Variants in C1QTNF3 observed in about 807,000 individuals in gnomAD.
C1QTNF3 encodes the protein complement C1q tumor necrosis factor-related protein 3.
Under a neutral mutation model 32.6 loss-of-function variants are expected in C1QTNF3, and 26 were observed. The ratio of observed to expected loss-of-function variants is 0.80; its 90% CI spans 0.58 to 1.11. The LOEUF is 1.11. Among genes scored for constraint, C1QTNF3 ranks in the 50% least tolerant of loss-of-function variants. C1QTNF3 has a pLI of 0.00. For synonymous variants in C1QTNF3, 155 were observed against 146.0 expected, an observed-to-expected ratio of 1.06 and a Z score of -0.44; for missense variants, 362 against 398.2, an observed-to-expected ratio of 0.91 and a Z score of 0.77.
chr5:34,156,782 T>C, the C1QTNF3 span, among the ~76,000 whole-genome samples: 7 of 152,198 alleles, frequency 4.6e-5, no homozygotes, highest in Non-Finnish European at 8.8e-5. Flanking sequence ...AAATTGAAGA[T>C]GAGAAAAAAT....
intron 1 of C1QTNF3, among the ~76,000 whole-genome samples, chr5:34,041,785 C>T (rs1420815176): frequency 1.3e-5 from 2 of 151,990 alleles, no homozygotes; most frequent in Non-Finnish European, 2.9e-5. Context: ...AGTTTCAAAT[C>T]TGCAATTGAT....
At chr5:34,020,911 G>C (rs969086105) in intron 5 of C1QTNF3, among the ~76,000 whole-genome samples, 169 bp from the exon 6 acceptor site, 4 of 152,176 alleles carry the variant, frequency 2.6e-5, no homozygotes, top group African/African-American at 9.7e-5. Context: ...AAGCTGGCTA[G>C]TAACACTCTC....
At chr5:34,170,893 T>G in the C1QTNF3 span, among the ~76,000 whole-genome samples, 2 of 152,168 alleles carry the variant, frequency 1.3e-5, no homozygotes, top group Non-Finnish European at 2.9e-5. Context: ...AATTACAGAT[T>G]CAATTTTTCT....
chr5:34,231,437 A>G, the C1QTNF3 span, among the ~76,000 whole-genome samples: 2 of 152,236 alleles, frequency 1.3e-5, no homozygotes, highest in Admixed American at 6.5e-5. Context: ...TACTTCATAC[A>G]CAGCTGTGTT....
the C1QTNF3 span, among the ~76,000 whole-genome samples, chr5:34,127,215 G>A: frequency 2.6e-5 from 4 of 152,020 alleles, no homozygotes; most frequent in African/African-American, 9.7e-5. Flanking sequence ...ACCTGAAAAT[G>A]TGGAAGTGAC....
chr5:34,122,999 A>G, the C1QTNF3 span, among the ~76,000 whole-genome samples: 1 of 150,552 alleles, frequency 6.6e-6, no homozygotes. Flanking sequence ...CGCACTCTGC[A>G]GTTCTCCTCC....
chr5:34,162,750 T>C, the C1QTNF3 span, among the ~76,000 whole-genome samples: 3 of 152,176 alleles, frequency 2.0e-5, no homozygotes, highest in Non-Finnish European at 4.4e-5. Context: ...CTACCTCTTA[T>C]TAAATAATGT....
chr5:34,100,822 A>G, the C1QTNF3 span, among the ~76,000 whole-genome samples: 14 of 151,074 alleles, frequency 9.3e-5, no homozygotes, highest in South Asian at 2.1e-4. Flanking sequence ...AAAAAATTTT[A>G]AAGTATTGCA....
chr5:34,221,391 A>G, the C1QTNF3 span, among the ~76,000 whole-genome samples: 1 of 152,058 alleles, frequency 6.6e-6, no homozygotes, highest in South Asian at 2.1e-4. Context: ...GTATCTCAAT[A>G]TTCTGGTTGA....
At chr5:34,196,158 T>G in the C1QTNF3 span, among the ~76,000 whole-genome samples, 3 of 152,430 alleles carry the variant, frequency 2.0e-5, no homozygotes, top group East Asian at 5.8e-4. Flanking sequence ...TTGCTTTTGT[T>G]TTTTTTGAGA....
chr5:34,210,472 T>G, the C1QTNF3 span, among the ~76,000 whole-genome samples: 1 of 151,936 alleles, frequency 6.6e-6, no homozygotes, highest in Non-Finnish European at 1.5e-5. Context: ...GGACATTGAC[T>G]AAAAATCGTA....
At chr5:34,175,720 C>G in the C1QTNF3 span, 1 of 649,562 alleles carries the variant, frequency 1.5e-6, no homozygotes, top group South Asian at 1.8e-5. Context: ...AGCTTCCCCC[C>G]TTTGTTTCCA....
chr5:34,108,056 G>C, the C1QTNF3 span, among the ~76,000 whole-genome samples: 1 of 152,126 alleles, frequency 6.6e-6, no homozygotes. Context: ...GAAAGAAAGA[G>C]AGAGGAGTTT....
At chr5:34,168,424 G>T in the C1QTNF3 span, 1 of 151,340 alleles carries the variant, frequency 6.6e-6, no homozygotes, top group Non-Finnish European at 1.5e-5. Flanking sequence ...TTTGCAAGGT[G>T]AGGTGGAGGA....
At chr5:34,118,316 T>G in the C1QTNF3 span, among the ~76,000 whole-genome samples, 14 of 152,318 alleles carry the variant, frequency 9.2e-5, no homozygotes, top group East Asian at 2.7e-3. Flanking sequence ...TGACCCCAAA[T>G]GATCCACCTG....
chr5:34,227,847 G>A, the C1QTNF3 span, among the ~76,000 whole-genome samples: 19 of 151,796 alleles, frequency 1.3e-4, no homozygotes, highest in African/African-American at 4.1e-4. Context: ...CTCAACCTTC[G>A]TCAGATTAAT....
At chr5:34,070,986 A>G in the C1QTNF3 span, among the ~76,000 whole-genome samples, 1 of 152,194 alleles carries the variant, frequency 6.6e-6, no homozygotes. Flanking sequence ...AGCTATCGTA[A>G]ATACATTTAG....
the C1QTNF3 span, among the ~76,000 whole-genome samples, chr5:34,211,538 C>T: frequency 3.6e-5 from 4 of 111,236 alleles, no homozygotes; most frequent in Admixed American, 4.5e-4. Context: ...CTATCCCTCC[C>T]CCCTCCCCCC....
chr5:34,143,854 T>C, the C1QTNF3 span, among the ~76,000 whole-genome samples: 1 of 152,112 alleles, frequency 6.6e-6, no homozygotes, highest in Non-Finnish European at 1.5e-5. Flanking sequence ...CCGCAGACAC[T>C]GTAAAGCAAC....
Sources: allele counts gnomAD v4.1 joint callset (sites outside exome capture counted in the v4.1 genomes callset), GRCh38; gene constraint gnomAD v4.1.1; transcripts MANE v1.5; gene names NCBI Gene and HGNC (gene_info 2026-07-23, HGNC 2026-07-21).